The following DOK6 variants were observed in gnomAD, a reference collection of about 807,000 sequenced individuals.
DOK6 encodes the protein downstream of tyrosine kinase 6.
A neutral mutation model predicts 44.0 loss-of-function variants in DOK6; 22 were observed. That is an observed-to-expected ratio of 0.50 (90% CI 0.36 to 0.71). The LOEUF is 0.71. Among genes scored for constraint, DOK6 ranks in the 30% least tolerant of loss-of-function variants. DOK6 has a pLI of 0.00. For missense variants in DOK6, 340 were observed against 416.4 expected (o/e 0.82, Z 1.60); for synonymous variants, 166 against 145.5 (o/e 1.14, Z -1.01).
At chr18:69,504,620 T>C (rs145835481) in intron 1 of DOK6, among the ~76,000 whole-genome samples, 16 of 152,278 alleles carry the variant, frequency 1.1e-4, no homozygotes, top group African/African-American at 3.4e-4. Flanking sequence ...TCTATCTTTA[T>C]AGTTTTTAGC....
chr18:69,684,631 G>A (rs1022691014), intron 4 of DOK6, among the ~76,000 whole-genome samples: 1 of 152,134 alleles, frequency 6.6e-6, no homozygotes, highest in Non-Finnish European at 1.5e-5. Flanking sequence ...TCCCTTCCTT[G>A]CCTTTCCTCT....
chr18:69,486,321 A>T (rs1212052635), intron 1 of DOK6, among the ~76,000 whole-genome samples: 1 of 152,142 alleles, frequency 6.6e-6, no homozygotes, highest in Non-Finnish European at 1.5e-5. Context: ...TTTAATCTGA[A>T]GGTACTTTAG....
At chr18:69,650,605 T>C (rs1466668144) in intron 3 of DOK6, among the ~76,000 whole-genome samples, 2 of 152,198 alleles carry the variant, frequency 1.3e-5, no homozygotes, top group African/African-American at 4.8e-5. Flanking sequence ...AACTATCATA[T>C]CCAATGAAGG....
chr18:69,753,398 C>T (rs1979249380), intron 6 of DOK6, among the ~76,000 whole-genome samples: 1 of 152,272 alleles, frequency 6.6e-6, no homozygotes, highest in South Asian at 2.1e-4. Context: ...AGTCTCCATA[C>T]AGCACTTAGG....
At chr18:69,401,369 TGGGG>T in intron 1 of DOK6, 59 bp downstream of exon 1, 1 of 1,251,626 alleles carries the variant, frequency 8.0e-7, no homozygotes, top group Non-Finnish European at 1.1e-6. Flanking sequence ...GCTGGCTGCC[TGGGG>T]GGGGGGCAGG....
chr18:69,735,671 C>T (rs1978581372), intron 5 of DOK6, among the ~76,000 whole-genome samples: 2 of 152,218 alleles, frequency 1.3e-5, no homozygotes, highest in Non-Finnish European at 2.9e-5. Flanking sequence ...CTCAGCTATT[C>T]AGGCTCCAGG....
intron 1 of DOK6, among the ~76,000 whole-genome samples, chr18:69,563,996 G>A (rs909573008): frequency 5.9e-5 from 9 of 152,060 alleles, no homozygotes; most frequent in Non-Finnish European, 7.4e-5. Context: ...AGACACATGT[G>A]TTCATAATAA....
chr18:69,443,824 A>G (rs1161294179), intron 1 of DOK6, among the ~76,000 whole-genome samples: 1 of 152,084 alleles, frequency 6.6e-6, no homozygotes, highest in East Asian at 1.9e-4. Context: ...GCTAGGATAG[A>G]TCCTCAGATA....
At chr18:69,678,524 A>G (rs1471169095) in intron 4 of DOK6, among the ~76,000 whole-genome samples, 2 of 152,186 alleles carry the variant, frequency 1.3e-5, no homozygotes, top group East Asian at 3.9e-4. Context: ...CTTTTAGGAC[A>G]TTTGGCTAAT....
intron 1 of DOK6, among the ~76,000 whole-genome samples, chr18:69,538,811 A>G (rs758418855): frequency 2.0e-5 from 3 of 151,688 alleles, no homozygotes; most frequent in African/African-American, 4.8e-5. Context: ...TTAAATGTCA[A>G]CCTTCCTCCT....
intron 1 of DOK6, among the ~76,000 whole-genome samples, chr18:69,488,095 C>T (rs1400836578): frequency 6.6e-6 from 1 of 152,058 alleles, no homozygotes; most frequent in Non-Finnish European, 1.5e-5. Flanking sequence ...TAGCCTTGTC[C>T]CTTGGCTTGT....
intron 3 of DOK6, among the ~76,000 whole-genome samples, chr18:69,639,926 T>C (rs1230347279): frequency 6.6e-6 from 1 of 152,210 alleles, no homozygotes. Flanking sequence ...CTCTGATTGT[T>C]ACAGCTGGAT....
intron 6 of DOK6, among the ~76,000 whole-genome samples, chr18:69,743,022 A>G (rs987569438): frequency 1.1e-4 from 16 of 152,200 alleles, no homozygotes; most frequent in African/African-American, 3.6e-4. Flanking sequence ...ACAGCTTCTC[A>G]TTCCTGCCTC....
chr18:69,783,262 G>A (rs1300450236), intron 7 of DOK6, among the ~76,000 whole-genome samples: 1 of 152,202 alleles, frequency 6.6e-6, no homozygotes, highest in African/African-American at 2.4e-5. Context: ...ACACATGGCT[G>A]TTGAACACTT....
chr18:69,407,665 A>G lies in DOK6; in HGVS notation c.66+6355A>G, dbSNP rs762476385. Among the ~76,000 whole-genome samples, 10 of 152,218 alleles carry G rather than the reference A, an allele frequency of 6.6e-5. 1 individual carries two copies. The highest frequency in any genetic ancestry group is 1.5e-4 in the Non-Finnish European group (10 of 68,032). ...TGAGAATATTGCACCTGTCAGTCAA[A>G]GTGGATAGAATAAGTAATGATATTT... On this transcript the variant is annotated intron_variant, in intron 1 of 7. Transcript: ENST00000382713.
At chr18:69,542,801 C>T (rs1010805722) in intron 1 of DOK6, among the ~76,000 whole-genome samples, 5 of 151,646 alleles carry the variant, frequency 3.3e-5, no homozygotes, top group African/African-American at 1.2e-4. Flanking sequence ...TTTCATGACT[C>T]GTTCATGCAA....
chr18:69,415,666 A>G (rs758800380), intron 1 of DOK6, among the ~76,000 whole-genome samples: 13 of 152,058 alleles, frequency 8.5e-5, no homozygotes, highest in Non-Finnish European at 1.8e-4. Context: ...TTTTGCAAAC[A>G]TCTGTCCAAG....
At chr18:69,473,686 T>C (rs557945031) in intron 1 of DOK6, among the ~76,000 whole-genome samples, 2 of 152,294 alleles carry the variant, frequency 1.3e-5, no homozygotes, top group East Asian at 3.9e-4. Context: ...TTTGAATCCC[T>C]TCAGTGTTAC....
At chr18:69,523,892 G>A (rs1981757032) in intron 1 of DOK6, among the ~76,000 whole-genome samples, 1 of 151,984 alleles carries the variant, frequency 6.6e-6, no homozygotes, top group African/African-American at 2.4e-5. Context: ...ATCTACAAAT[G>A]CATTCTCAGA....
Sources: gnomAD v4.1 joint callset for allele counts (sites outside exome capture counted in the v4.1 genomes callset) on GRCh38, gnomAD v4.1.1 for gene constraint, MANE v1.5 for transcripts, NCBI Gene and HGNC (gene_info 2026-07-23, HGNC 2026-07-21) for gene names.